Variants in OSBP2 observed in about 807,000 individuals in gnomAD.
OSBP2 encodes the protein oxysterol-binding protein 2.
A neutral mutation model predicts 96.0 loss-of-function variants in OSBP2; 66 were observed. The ratio of observed to expected loss-of-function variants is 0.69; its 90% CI spans 0.56 to 0.84. OSBP2 has a LOEUF of 0.84. Among genes scored for constraint, OSBP2 ranks in the 40% least tolerant of loss-of-function variants. The pLI, the probability that OSBP2 is intolerant of heterozygous loss-of-function variation, is 0.00. For synonymous variants in OSBP2, 525 were observed against 520.9 expected, an observed-to-expected ratio of 1.01 and a Z score of -0.11; for missense variants, 1,038 against 1,222.7, an observed-to-expected ratio of 0.85 and a Z score of 2.25.
At chr22:30,819,909 C>T (rs1196576169) in intron 2 of OSBP2, among the ~76,000 whole-genome samples, 2 of 152,224 alleles carry the variant, frequency 1.3e-5, no homozygotes, top group Non-Finnish European at 2.9e-5. Flanking sequence ...CCTCTGCCCT[C>T]CTCTTCTTCA....
At chr22:30,730,810 T>A (rs1398695633) in intron 1 of OSBP2, among the ~76,000 whole-genome samples, 6 of 54,768 alleles carry the variant, frequency 1.1e-4, no homozygotes, top group African/African-American at 5.4e-4. Context: ...ATATATATAA[T>A]TTTTTTTTTT....
intron 2 of OSBP2, among the ~76,000 whole-genome samples, chr22:30,811,966 C>T (rs2091014176): frequency 6.6e-6 from 1 of 152,026 alleles, no homozygotes; most frequent in Admixed American, 6.6e-5. Context: ...AGGCATCCTC[C>T]TGCCTCAGCC....
intron 2 of OSBP2, among the ~76,000 whole-genome samples, chr22:30,867,265 G>A (rs904221744): frequency 1.3e-5 from 2 of 152,052 alleles, no homozygotes; most frequent in African/African-American, 4.8e-5. Flanking sequence ...ACTGCCACAT[G>A]CTCCCTTTTG....
chr22:30,882,037 C>G lies in OSBP2; in HGVS notation c.1108-5389C>G, dbSNP rs535543527. Among the ~76,000 whole-genome samples the G allele has an allele frequency of 6.6e-5, 10 of 152,322 alleles. No homozygotes were observed. The East Asian group carries it at 1.7e-3, about 26-fold the overall frequency. Reference sequence around the variant, plus strand: ...GAGGCCCAGCTGTCCTAGGGACTTCCTGTCTCCCTGCTGCACGATGCCAGC... The same window carrying G: ...GAGGCCCAGCTGTCCTAGGGACTTCGTGTCTCCCTGCTGCACGATGCCAGC... On this transcript the variant is annotated intron_variant, in intron 3 of 13. Transcript: ENST00000332585.
In OSBP2 at chr22:30,871,173, A is replaced by G. The variant is rs1043682654; in HGVS notation, c.1107+491A>G. Reference sequence around the variant, plus strand: ...GGGCTCCCTGAGCTAGAAGGGCCTCAGAGCTGAGCCTGCCGAGGTCGTGCC... The same window carrying G: ...GGGCTCCCTGAGCTAGAAGGGCCTCGGAGCTGAGCCTGCCGAGGTCGTGCC... On this transcript the variant is annotated intron_variant, in intron 3 of 13. Coordinates refer to ENST00000332585, the MANE Select transcript of OSBP2 (RefSeq NM_030758.4). This position sits in a 1 kb window ranked among gnomAD's most constrained non-coding sequence, Gnocchi z 4.7. Among the ~76,000 whole-genome samples the G allele has an allele frequency of 2.0e-5, 3 of 152,168 alleles. No homozygotes were observed. The highest frequency in any genetic ancestry group is 7.2e-5 in the African/African-American group (3 of 41,430).
chr22:30,859,570 G>A (rs1039632179), intron 2 of OSBP2, among the ~76,000 whole-genome samples: 1 of 152,178 alleles, frequency 6.6e-6, no homozygotes, highest in Non-Finnish European at 1.5e-5. Context: ...CTAGGAGTTG[G>A]GCCAAGGGCA....
Position 30,881,921 on chromosome 22 carries a change from A to G in OSBP2, c.1108-5505A>G, listed in dbSNP as rs1447694838. Reference sequence around the variant, plus strand: ...GCAGCCACATGAGGCCTTTGATATTAGGGCACAGCAGTTTTCACCCTGCCC... The same window carrying G: ...GCAGCCACATGAGGCCTTTGATATTGGGGCACAGCAGTTTTCACCCTGCCC... On this transcript the variant is annotated intron_variant, in intron 3 of 13. Coordinates refer to ENST00000332585, the MANE Select transcript of OSBP2 (RefSeq NM_030758.4). This position sits in a 1 kb window ranked among gnomAD's most constrained non-coding sequence, Gnocchi z 4.5. 9.5e-6 allele frequency: 8 copies of G among 844,886 alleles called. No individual in the cohort carries two copies. In the East Asian group the frequency reaches 5.1e-4, roughly 54 times the overall value. The allele number at this position is 844,886 out of a possible 1,614,324, so 52.3% of individuals were successfully genotyped here.
At chr22:30,867,820 T>C (rs2039376081) in intron 2 of OSBP2, among the ~76,000 whole-genome samples, 1 of 152,242 alleles carries the variant, frequency 6.6e-6, no homozygotes, top group Non-Finnish European at 1.5e-5. Flanking sequence ...TCTCACCAGC[T>C]CTTGCTTACA....
At chr22:30,778,358 A>G (rs2090466573) in intron 2 of OSBP2, among the ~76,000 whole-genome samples, 1 of 148,822 alleles carries the variant, frequency 6.7e-6, no homozygotes, top group African/African-American at 2.5e-5. Flanking sequence ...TGTGGCCACC[A>G]CCGTGTTCTC....
chr22:30,730,214 C>T (rs536938809), intron 1 of OSBP2, among the ~76,000 whole-genome samples: 9 of 152,146 alleles, frequency 5.9e-5, no homozygotes, highest in African/African-American at 1.7e-4. Context: ...TTGACGACCT[C>T]GGCCTCCCGA....
At chr22:30,772,970 T>C (rs1472853320) in intron 2 of OSBP2, among the ~76,000 whole-genome samples, 1 of 151,110 alleles carries the variant, frequency 6.6e-6, no homozygotes, top group African/African-American at 2.4e-5. Context: ...ATTTTTGTAT[T>C]TTTATTAGAG....
intron 3 of OSBP2, among the ~76,000 whole-genome samples, chr22:30,883,234 C>T (rs1473352279): frequency 6.6e-6 from 1 of 152,192 alleles, no homozygotes; most frequent in Non-Finnish European, 1.5e-5. Flanking sequence ...GCCTCTGCAC[C>T]CCTACTTGCA....
At chr22:30,874,814 A>G (rs1004794671) in intron 3 of OSBP2, among the ~76,000 whole-genome samples, 20 of 152,288 alleles carry the variant, frequency 1.3e-4, no homozygotes, top group African/African-American at 4.6e-4. Flanking sequence ...CTCCCTTGTC[A>G]TCCTTCAGAA....
intron 2 of OSBP2, among the ~76,000 whole-genome samples, chr22:30,786,018 TTGTG>T (rs59686538): frequency 4.0e-5 from 6 of 149,096 alleles, no homozygotes; most frequent in South Asian, 2.1e-4. Context: ...CTAATACAGT[TTGTG>T]TGTGTGTGTG....
At chr22:30,901,017 A>G (rs1465318028) in intron 12 of OSBP2, among the ~76,000 whole-genome samples, 3 of 152,262 alleles carry the variant, frequency 2.0e-5, no homozygotes, top group Non-Finnish European at 4.4e-5. Context: ...GATTATTATC[A>G]AGAATACAGA....
intron 2 of OSBP2, among the ~76,000 whole-genome samples, chr22:30,797,981 C>A (rs1470683550): frequency 6.6e-6 from 1 of 152,170 alleles, no homozygotes; most frequent in Non-Finnish European, 1.5e-5. Flanking sequence ...TAATAATAAT[C>A]CTATTTTTAA....
chr22:30,893,401 G>C (rs750661030), intron 9 of OSBP2, 62 bp from the exon 10 acceptor site: 105 of 1,555,194 alleles, frequency 6.8e-5, no homozygotes, highest in Non-Finnish European at 8.1e-5. Context: ...CCAGGCCTAA[G>C]GGCAGACTGG....
chr22:30,732,439 C>T (rs1035682866), intron 1 of OSBP2, among the ~76,000 whole-genome samples: 3 of 152,138 alleles, frequency 2.0e-5, no homozygotes, highest in East Asian at 3.9e-4. Flanking sequence ...TGACCCCTGG[C>T]GGTAGAGTCA....
intron 2 of OSBP2, among the ~76,000 whole-genome samples, chr22:30,807,798 G>A (rs968121152): frequency 1.3e-5 from 2 of 151,702 alleles, no homozygotes; most frequent in African/African-American, 4.9e-5. Context: ...TCTTTTTTTT[G>A]TGGTGGTCTT....
Sources: gnomAD v4.1 joint callset for allele counts (sites outside exome capture counted in the v4.1 genomes callset) on GRCh38, gnomAD v4.1.1 for gene constraint, Gnocchi (gnomAD v3.1) non-coding constraint, MANE v1.5 for transcripts, NCBI Gene and HGNC (gene_info 2026-07-23, HGNC 2026-07-21) for gene names.